The following C1QL1 variants were observed in gnomAD, a reference collection of about 807,000 sequenced individuals.
C1QL1 encodes C1q-related factor.
C1QL1 carries 15 observed loss-of-function variants against 14.2 expected under a neutral mutation model. The ratio of observed to expected loss-of-function variants is 1.06; its 90% CI spans 0.71 to 1.62. The LOEUF is 1.62. Among genes scored for constraint, C1QL1 ranks in the 40% most tolerant of loss-of-function variants. C1QL1 has a pLI of 0.00. For missense variants in C1QL1, 346 were observed against 380.3 expected, an observed-to-expected ratio of 0.91 and a Z score of 0.75; for synonymous variants, 172 against 172.4, an observed-to-expected ratio of 1.00 and a Z score of 0.02.
chr17:44,965,487 A>G (rs909174828), intron 1 of C1QL1, among the ~76,000 whole-genome samples: 7 of 152,164 alleles, frequency 4.6e-5, no homozygotes, highest in African/African-American at 1.7e-4. Context: ...CTGAATAACT[A>G]TTAAAGTGCT....
chr17:44,964,736 A>T (rs960987223), intron 1 of C1QL1, among the ~76,000 whole-genome samples: 2 of 152,182 alleles, frequency 1.3e-5, no homozygotes, highest in African/African-American at 2.4e-5. Context: ...AGATCAAATG[A>T]GTCTCTTGGG....
chr17:44,968,298 C>G lies in C1QL1; in HGVS notation c.-250G>C, dbSNP rs944540157. 1.1e-4 allele frequency among the ~76,000 whole-genome samples: 16 copies of G among 150,496 alleles called. No homozygotes were observed. The highest frequency in any genetic ancestry group is 2.2e-4 in the African/African-American group (9 of 41,294). On this transcript the variant is annotated 5_prime_UTR_variant, in exon 1 of 2. Transcript: ENST00000253407. ...TCGCGCCTCCCTCCTGCTGCGCTGC[C>G]GGACTGAGCGCCGCGGCCGCCGCCT...
rs1164999669 is a variant in C1QL1, at chr17:44,968,190, C to T, written c.-142G>A. ...TAGGCGCCCGCGCTCAAGGACGGTC[C>T]GGCGGGGCTGCGGGCATGGGGCCGG... On this transcript the variant is annotated 5_prime_UTR_variant, in exon 1 of 2. Coordinates refer to ENST00000253407, the MANE Select transcript of C1QL1 (RefSeq NM_006688.5). The T allele has an allele frequency of 8.3e-6, 2 of 241,074 alleles. No individual in the cohort carries two copies. Among genetic ancestry groups the T allele is most frequent in the Non-Finnish European group, 1.4e-5 (2 of 143,730 alleles). The allele number at this position is 241,074 out of a possible 1,614,324, so 14.9% of individuals were successfully genotyped here.
chr17:44,960,015 G>A lies in C1QL1; in HGVS notation c.*173C>T, dbSNP rs1023052797. 1.6e-6 allele frequency: 1 copy of A among 631,526 alleles called. No individual in the cohort carries two copies. The highest frequency in any genetic ancestry group is 3.0e-5 in the Admixed American group (1 of 33,834). The allele number at this position is 631,526 out of a possible 1,614,324, so 39.1% of individuals were successfully genotyped here. A position where few individuals can be genotyped will look rare whatever the true frequency, so the allele number is the denominator to read the frequency against. Reference sequence around the variant, plus strand: ...GGCGCGCTGGGCCCGGCTCTGCAGCGAGCCGGTGGGAGGGCCTAGCTGTGG... The same window carrying A: ...GGCGCGCTGGGCCCGGCTCTGCAGCAAGCCGGTGGGAGGGCCTAGCTGTGG... On this transcript the variant is annotated 3_prime_UTR_variant, in exon 2 of 2. Transcript: ENST00000253407.
intron 1 of C1QL1, among the ~76,000 whole-genome samples, chr17:44,966,787 C>A (rs1157165273): frequency 8.3e-6 from 1 of 120,152 alleles, no homozygotes; most frequent in Non-Finnish European, 1.9e-5. Context: ...CTCCCCGCCT[C>A]AGGAGGAAAA....
Position 44,960,151 on chromosome 17 carries a change from CGGGTGAGGGACGT to C in C1QL1, c.*24_*36del, listed in dbSNP as rs768160988. 34 of 1,596,190 alleles carry C rather than the reference CGGGTGAGGGACGT, an allele frequency of 2.1e-5. No individual in the cohort carries two copies. The highest frequency in any genetic ancestry group is 3.4e-4 in the Middle Eastern group (2 of 5,884). Reference sequence around the variant, plus strand: ...CTGCCCCGCCCGGAGGGGACCCCGGCGGGTGAGGGACGTGGGTGGAGGGAGACGTGGGGAGCTC... The same window carrying C: ...CTGCCCCGCCCGGAGGGGACCCCGGCGGGTGGAGGGAGACGTGGGGAGCTC... On this transcript the variant is annotated 3_prime_UTR_variant, in exon 2 of 2. Coordinates refer to ENST00000253407, the MANE Select transcript of C1QL1 (RefSeq NM_006688.5).
rs749941711 is a variant in C1QL1 at position 44,967,520 on chromosome 17, T to C, written c.529A>G (p.Thr177Ala). 2 of 1,613,684 alleles carry C rather than the reference T, an allele frequency of 1.2e-6. No homozygotes were observed. Among genetic ancestry groups the C allele is most frequent in the Non-Finnish European group, 1.7e-6 (2 of 1,179,830 alleles). ...CCGCCGCGCATGAGGACATGGTAGG[T>C]GAAAAAGTAGGTGCCGGGAATGTTG... is the stretch of plus-strand genomic sequence containing the variant. Reference protein sequence around the residue: ...TCNIPGTYFFTYHVLMRGGDG... With the variant: ...TCNIPGTYFFAYHVLMRGGDG... Residue 177 changes from threonine (T) to alanine (A), a missense_variant, in exon 1 of 2, where the codon ACC becomes GCC. Coordinates refer to ENST00000253407, the MANE Select transcript of C1QL1 (RefSeq NM_006688.5). This position sits in a 1 kb window ranked among gnomAD's most constrained non-coding sequence, Gnocchi z 7.0.
At chr17:44,965,304 G>C (rs894158610) in intron 1 of C1QL1, among the ~76,000 whole-genome samples, 16 of 152,112 alleles carry the variant, frequency 1.1e-4, no homozygotes, top group South Asian at 6.2e-4. Flanking sequence ...GAGCCACCGT[G>C]CCTGGCCTAA....
In C1QL1 at chr17:44,967,951, T is replaced by G. The variant is rs777764259; in HGVS notation, c.98A>C (p.Asp33Ala). The G allele has an allele frequency of 2.3e-6, 3 of 1,331,810 alleles. No individual in the cohort carries two copies. The highest frequency in any genetic ancestry group is 2.9e-6 in the Non-Finnish European group (3 of 1,043,862). 82.5% of individuals were successfully genotyped at this position (1,331,810 alleles called of 1,614,324 possible). A position where few individuals can be genotyped will look rare whatever the true frequency, so the allele number is the denominator to read the frequency against. Residue 33 changes from aspartate to alanine, a missense_variant, in exon 1 of 2, where the codon GAC (aspartate) becomes GCC (alanine). Coordinates refer to ENST00000253407, the MANE Select transcript of C1QL1 (RefSeq NM_006688.5). This position sits in a 1 kb window ranked among gnomAD's most constrained non-coding sequence, Gnocchi z 7.0. Reference sequence around the variant, plus strand: ...GCCGGGGCCCCGCGCGGGGTAGGGGTCGCACACCATGCGGCAGGTGCCCAG... The same window carrying G: ...GCCGGGGCCCCGCGCGGGGTAGGGGGCGCACACCATGCGGCAGGTGCCCAG... ...EMLGTCRMVC[D>A]PYPARGPGAG... is the part of the protein sequence containing the mutation.
At chr17:44,964,854 T>G (rs901795684) in intron 1 of C1QL1, among the ~76,000 whole-genome samples, 1 of 152,130 alleles carries the variant, frequency 6.6e-6, no homozygotes, top group Admixed American at 6.5e-5. Flanking sequence ...TTTTCTTTTT[T>G]TTTTGAGACA....
chr17:44,965,036 G>A (rs1232825540), intron 1 of C1QL1, among the ~76,000 whole-genome samples: 4 of 147,076 alleles, frequency 2.7e-5, no homozygotes, highest in Non-Finnish European at 1.5e-5. Context: ...TTTTTGAGAC[G>A]GAGTCTCGCT....
At chr17:44,962,056 G>A (rs1307830576) in intron 1 of C1QL1, among the ~76,000 whole-genome samples, 2 of 152,236 alleles carry the variant, frequency 1.3e-5, no homozygotes, top group East Asian at 1.9e-4. Flanking sequence ...GAAGAGAAGC[G>A]CCCTCTCCAG....
At chr17:44,961,328 C>G (rs2052625851) in intron 1 of C1QL1, among the ~76,000 whole-genome samples, 1 of 152,234 alleles carries the variant, frequency 6.6e-6, no homozygotes, top group Non-Finnish European at 1.5e-5. Flanking sequence ...TACGGTGGCT[C>G]ATGCCTGTGA....
At position 44,966,596 on chromosome 17, in the gene C1QL1, G is replaced by A. The variant is rs139903384; in HGVS notation, c.597+856C>T. Among the ~76,000 whole-genome samples the A allele has an allele frequency of 4.5e-4, 69 of 152,250 alleles. 1 individual carries two copies. The highest frequency in any genetic ancestry group is 1.6e-3 in the African/African-American group (65 of 41,544). ...TCGGCCATTCCAAGGAGAGCTACAC[G>A]CACATGCGAGTCCCGGTACCAGAGT... On this transcript the variant is annotated intron_variant, in intron 1 of 1. Transcript: ENST00000253407.
Position 44,967,591 on chromosome 17 carries a change from G to T in C1QL1, c.458C>A (p.Thr153Asn), listed in dbSNP as rs2052664056. The change falls in exon 1 of 2, where the codon ACC becomes AAC. Residue 153 changes from threonine (T) to asparagine (N), a missense_variant. Thr to Asn is a moderately conservative substitution (Grantham distance 65). Transcript: ENST00000253407. The surrounding 1 kb of genome is among the most constrained non-coding windows in gnomAD (Gnocchi z 7.0). ...YEVLKFDDVV[T>N]NLGNNYDAAS... Reference sequence around the variant, plus strand: ...CGCGTCGTAGTTGTTGCCTAGGTTGGTGACCACGTCGTCAAACTTGAGTAC... The same window carrying T: ...CGCGTCGTAGTTGTTGCCTAGGTTGTTGACCACGTCGTCAAACTTGAGTAC... The T allele has an allele frequency of 6.2e-7, 1 of 1,614,080 alleles. No homozygotes were observed. The highest frequency in any genetic ancestry group is 8.5e-7 in the Non-Finnish European group (1 of 1,179,940).
At chr17:44,961,361 G>A (rs1019226383) in intron 1 of C1QL1, among the ~76,000 whole-genome samples, 2 of 152,180 alleles carry the variant, frequency 1.3e-5, no homozygotes, top group African/African-American at 4.8e-5. Flanking sequence ...GGGAGGCCCA[G>A]GCAGGTGGAT....
At chr17:44,966,014 C>T (rs3024274) in intron 1 of C1QL1, among the ~76,000 whole-genome samples, 73 of 152,178 alleles carry the variant, frequency 4.8e-4, no homozygotes, top group Middle Eastern at 3.4e-3. Flanking sequence ...GATAGACACA[C>T]GTGGGAAAGA....
At chr17:44,962,914 C>G (rs2052635798) in intron 1 of C1QL1, among the ~76,000 whole-genome samples, 1 of 152,128 alleles carries the variant, frequency 6.6e-6, no homozygotes, top group Non-Finnish European at 1.5e-5. Flanking sequence ...TCCTAATTAT[C>G]CATGGAGGCA....
chr17:44,961,910 A>AAGAGAGAGAGAGAGAG, intron 1 of C1QL1, among the ~76,000 whole-genome samples: 1 of 129,688 alleles, frequency 7.7e-6, no homozygotes, highest in Non-Finnish European at 1.6e-5. Context: ...AAAAAAAAAA[A>AAGAGAGAGAGAGAGAG]AGAGAGAGAG....
Sources: allele counts gnomAD v4.1 joint callset (sites outside exome capture counted in the v4.1 genomes callset), GRCh38; gene constraint gnomAD v4.1.1; non-coding constraint Gnocchi (gnomAD v3.1); transcripts MANE v1.5; gene names NCBI Gene and HGNC (gene_info 2026-07-23, HGNC 2026-07-21).